ARHGAP18: variants seen among roughly 807,000 people sequenced by gnomAD.
ARHGAP18 encodes the protein Rho GTPase activating protein 18.
In ARHGAP18, 67 loss-of-function variants were observed where a neutral mutation model predicts 86.2. The ratio of observed to expected loss-of-function variants is 0.78; its 90% CI spans 0.64 to 0.95. The LOEUF is 0.95. ARHGAP18 is among the 40% of genes least tolerant of loss of function. ARHGAP18 has a pLI of 0.00. For missense variants in ARHGAP18, 691 were observed against 780.4 expected, an observed-to-expected ratio of 0.89 and a Z score of 1.37; for synonymous variants, 283 against 280.4, an observed-to-expected ratio of 1.01 and a Z score of -0.09.
chr6:129,705,527 C>T (rs141478322), intron 1 of ARHGAP18, among the ~76,000 whole-genome samples: 8 of 152,256 alleles, frequency 5.3e-5, no homozygotes, highest in Non-Finnish European at 1.2e-4. Flanking sequence ...TTTCCAAGGT[C>T]TTTCAAACTT....
At chr6:129,687,834 C>T (rs1439944909) in intron 1 of ARHGAP18, among the ~76,000 whole-genome samples, 2 of 152,092 alleles carry the variant, frequency 1.3e-5, no homozygotes, top group Non-Finnish European at 2.9e-5. Context: ...CTTTAGCTCA[C>T]TTAAATCTTC....
chr6:129,633,978 C>T (rs1469474481), intron 4 of ARHGAP18, 64 bp downstream of exon 4: 11 of 1,376,416 alleles, frequency 8.0e-6, no homozygotes, highest in Admixed American at 2.1e-5. Flanking sequence ...TTTTATAAGA[C>T]TGTAACTGTT....
chr6:129,609,772 G>A (rs1788940435), intron 8 of ARHGAP18, among the ~76,000 whole-genome samples: 1 of 151,972 alleles, frequency 6.6e-6, no homozygotes, highest in African/African-American at 2.4e-5. Flanking sequence ...GGACACAAGT[G>A]GAAAATTATG....
At chr6:129,601,038 C>T (rs953660904) in intron 10 of ARHGAP18, among the ~76,000 whole-genome samples, 190 bp from the exon 11 acceptor site, 1 of 152,156 alleles carries the variant, frequency 6.6e-6, no homozygotes, top group African/African-American at 2.4e-5. Flanking sequence ...TGGAAATTTG[C>T]TTCTACTAAG....
chr6:129,631,372 C>T (rs1443854184), intron 4 of ARHGAP18, among the ~76,000 whole-genome samples: 1 of 150,650 alleles, frequency 6.6e-6, no homozygotes, highest in Non-Finnish European at 1.5e-5. Flanking sequence ...TTAACACACA[C>T]ATTTCCTTCA....
chr6:129,602,303 G>C (rs1283566507), intron 10 of ARHGAP18, among the ~76,000 whole-genome samples: 2 of 152,096 alleles, frequency 1.3e-5, no homozygotes, highest in Non-Finnish European at 2.9e-5. Flanking sequence ...GTAACTTCCT[G>C]GTGGTCATAC....
intron 1 of ARHGAP18, among the ~76,000 whole-genome samples, chr6:129,662,294 G>A (rs1456352268): frequency 2.6e-5 from 4 of 152,252 alleles, no homozygotes; most frequent in African/African-American, 9.6e-5. Context: ...TTTCAGCAGT[G>A]ACAGCAACCC....
At position 129,680,348 on chromosome 6, in the gene ARHGAP18, C is replaced by T. The variant is rs575419864; in HGVS notation, c.113+29676G>A. On this transcript the variant is annotated intron_variant, in intron 1 of 14. Transcript: ENST00000368149. ...AGTTTTTCTGCTTCTGAATAGGTCCCCAAAAGCAAGGTTCTCTACTCCTAA... is the reference window on the plus strand; with the variant it reads ...AGTTTTTCTGCTTCTGAATAGGTCCTCAAAAGCAAGGTTCTCTACTCCTAA... Among the ~76,000 whole-genome samples the T allele has an allele frequency of 3.3e-5, 5 of 152,212 alleles. No homozygotes were observed. In the East Asian group the frequency reaches 9.6e-4, roughly 29 times the overall value.
chr6:129,628,553 T>C (rs900586797), intron 5 of ARHGAP18, among the ~76,000 whole-genome samples: 2 of 152,132 alleles, frequency 1.3e-5, no homozygotes, highest in East Asian at 1.9e-4. Context: ...CTTAGACAAG[T>C]TGGTGACCAA....
chr6:129,581,710 G>A (rs996611835), intron 13 of ARHGAP18, among the ~76,000 whole-genome samples: 4 of 152,014 alleles, frequency 2.6e-5, no homozygotes, highest in Admixed American at 1.3e-4. Context: ...TACATATATT[G>A]TATATCATTC....
intron 12 of ARHGAP18, among the ~76,000 whole-genome samples, chr6:129,597,056 C>G (rs1788627018): frequency 6.6e-6 from 1 of 152,156 alleles, no homozygotes; most frequent in African/African-American, 2.4e-5. Context: ...TTAGCTTGCA[C>G]CTCTACTTGT....
intron 5 of ARHGAP18, among the ~76,000 whole-genome samples, chr6:129,625,356 ATTATGTATATTT>A (rs1789369349): frequency 1.4e-5 from 1 of 71,206 alleles, no homozygotes; most frequent in African/African-American, 7.4e-5. Context: ...TGTAATATAT[ATTATGTATATTT>A]ATATATATTA....
chr6:129,589,775 A>G (rs956276620), intron 12 of ARHGAP18, among the ~76,000 whole-genome samples: 7 of 152,144 alleles, frequency 4.6e-5, no homozygotes, highest in African/African-American at 1.7e-4. Flanking sequence ...AGGAGTATTG[A>G]CTCACACGAT....
intron 13 of ARHGAP18, among the ~76,000 whole-genome samples, chr6:129,582,197 C>A (rs1350908827): frequency 6.6e-6 from 1 of 151,680 alleles, no homozygotes; most frequent in Admixed American, 6.6e-5. Flanking sequence ...TTATTTAATA[C>A]AAACACCACA....
chr6:129,696,352 T>C (rs1012434823), intron 1 of ARHGAP18, among the ~76,000 whole-genome samples: 3 of 152,200 alleles, frequency 2.0e-5, no homozygotes, highest in South Asian at 2.1e-4. Flanking sequence ...CTATAGACCC[T>C]GTTAGGTACT....
intron 3 of ARHGAP18, among the ~76,000 whole-genome samples, chr6:129,636,022 C>A (rs946194537): frequency 1.1e-4 from 16 of 152,214 alleles, no homozygotes; most frequent in Non-Finnish European, 1.3e-4. Flanking sequence ...GCTCAGCTCT[C>A]TATTCCCTCC....
chr6:129,627,030 G>C (rs529190673), intron 5 of ARHGAP18, among the ~76,000 whole-genome samples: 6 of 152,090 alleles, frequency 3.9e-5, no homozygotes, highest in African/African-American at 1.4e-4. Context: ...AAACATATCA[G>C]TCTAGGTCTG....
chr6:129,645,920 C>T (rs779944801), intron 1 of ARHGAP18, among the ~76,000 whole-genome samples: 6 of 152,116 alleles, frequency 3.9e-5, no homozygotes, highest in Non-Finnish European at 8.8e-5. Flanking sequence ...AAGGTATATG[C>T]TATCCCATTT....
intron 2 of ARHGAP18, 116 bp downstream of exon 2, chr6:129,641,700 G>GT: frequency 1.1e-6 from 1 of 927,158 alleles, no homozygotes; most frequent in Non-Finnish European, 1.6e-6. Context: ...TTGAAAGGCA[G>GT]TATCTTTTTT....
Sources: gnomAD v4.1 joint callset for allele counts (sites outside exome capture counted in the v4.1 genomes callset) on GRCh38, gnomAD v4.1.1 for gene constraint, MANE v1.5 for transcripts, NCBI Gene and HGNC (gene_info 2026-07-23, HGNC 2026-07-21) for gene names.